USP6: variants seen among roughly 807,000 people sequenced by gnomAD.
USP6 encodes the protein ubiquitin specific peptidase 6, also known as ubiquitin carboxyl-terminal hydrolase 6.
In USP6, 128 loss-of-function variants were observed where a neutral mutation model predicts 175.7. The ratio of observed to expected loss-of-function variants is 0.73; its 90% confidence interval spans 0.63 to 0.84. The LOEUF is 0.84. Ranked by LOEUF, USP6 falls within the 40% of genes least tolerant of loss-of-function variation. USP6 has a pLI of 0.00. For missense variants in USP6, 1,498 were observed against 1,760.3 expected, an observed-to-expected ratio of 0.85 and a Z score of 2.67; for synonymous variants, 562 against 630.6, an observed-to-expected ratio of 0.89 and a Z score of 1.63.
rs780529759 is a variant in USP6, at chr17:5,142,077, G to A, written c.1648G>A (p.Val550Ile). ...CTTCATGAACTCAAGCATCCAGTGCGTTAGTAACACACAGCCACTGACACA... is the reference window on the plus strand; with the variant it reads ...CTTCATGAACTCAAGCATCCAGTGCATTAGTAACACACAGCCACTGACACA... ...TCFMNSSIQC[V>I]SNTQPLTQYF... is the part of the protein sequence containing the mutation. The change falls in exon 24 of 38, where the codon GTT (valine) becomes ATT (isoleucine). Residue 550 changes from valine (V) to isoleucine (I), a missense_variant. This residue lies in a region of USP6 where 1,217 missense variants were observed against 1,500.8 expected (regional missense o/e 0.81). Transcript: ENST00000574788. 1.4e-5 allele frequency: 22 copies of A among 1,613,754 alleles called. No individual in the cohort carries two copies. The highest frequency in any genetic ancestry group is 6.6e-5 in the South Asian group (6 of 91,066).
chr17:5,141,358 CAG>C (rs2073440514), intron 22 of USP6, 65 bp from the exon 23 acceptor site: 3 of 1,320,546 alleles, frequency 2.3e-6, no homozygotes, highest in Admixed American at 2.5e-5. Flanking sequence ...AAAAAAAAAA[CAG>C]AAGCAATCAA....
chr17:5,166,892 T>C (rs1486536379), intron 33 of USP6, among the ~76,000 whole-genome samples: 1 of 152,038 alleles, frequency 6.6e-6, no homozygotes, highest in Non-Finnish European at 1.5e-5. Flanking sequence ...TTTCTTACAC[T>C]TGACTCCTTC....
At chr17:5,142,248 T>G in intron 24 of USP6, 107 bp downstream of exon 24, 1 of 1,537,762 alleles carries the variant, frequency 6.5e-7, no homozygotes, top group East Asian at 2.3e-5. Context: ...TTTTATCTTA[T>G]TTGCCCTATT....
At position 5,170,999 on chromosome 17, in the gene USP6, A is replaced by T. The variant is rs1598109119; in HGVS notation, c.3954+84A>T. ...ATGTATTCATCAGCAAGTATTTTTC[A>T]GGTCCTGCTAATTTCCTAGCATTGA... On this transcript the variant is annotated intron_variant, in intron 36 of 37. Transcript: ENST00000574788. 4.7e-6 allele frequency: 7 copies of T among 1,490,030 alleles called. No homozygotes were observed. In the East Asian group the frequency reaches 1.6e-4, roughly 34 times the overall value. The allele number at this position is 1,490,030 out of a possible 1,614,324, so 92.3% of individuals were successfully genotyped here.
Position 5,142,017 on chromosome 17 carries a change from G to GTTTCT in USP6, c.1588_1589insTTTCT (p.Gly530ValfsTer7). On this transcript the variant is annotated frameshift_variant, in exon 24 of 38. Transcript: ENST00000574788. LOFTEE classifies it high-confidence loss of function. ...GTTTGTTCCAGTTCCCACAGAAAAG[G>GTTTCT]GAGCCACAGGTCTAAGCAACCTGGG... The GTTTCT allele has an allele frequency of 1.2e-6, 2 of 1,612,694 alleles. No individual in the cohort carries two copies. The highest frequency in any genetic ancestry group is 2.2e-5 in the South Asian group (2 of 90,664).
Position 5,136,661 on chromosome 17 carries a change from G to T in USP6, c.686G>T (p.Gly229Val), listed in dbSNP as rs1206072687. The T allele has an allele frequency of 6.2e-7, 1 of 1,611,804 alleles. No homozygotes were observed. The highest frequency in any genetic ancestry group is 1.3e-5 in the African/African-American group (1 of 74,836). ...SLPGFHSPNG[G>V]TVQGLQDQQE... The stretch of plus-strand genomic sequence containing the variant: ...TCAGGATTCCACAGCCCAAATGGTG[G>T]GACAGTCCAGGGGCTCCAAGACCAA... Residue 229 changes from glycine to valine, a missense_variant, in exon 18 of 38, where the codon GGG becomes GTG. This residue lies in a region of USP6 where 1,217 missense variants were observed against 1,500.8 expected (regional missense o/e 0.81). Transcript: ENST00000574788.
At chr17:5,143,169 G>A (rs1403044579) in intron 25 of USP6, among the ~76,000 whole-genome samples, 3 of 152,298 alleles carry the variant, frequency 2.0e-5, no homozygotes, top group South Asian at 2.1e-4. Flanking sequence ...CGCCCCGTCC[G>A]GGAGGTGAGG....
chr17:5,157,831 A>C (rs971855805), intron 31 of USP6, among the ~76,000 whole-genome samples: 1 of 152,100 alleles, frequency 6.6e-6, no homozygotes, highest in African/African-American at 2.4e-5. Flanking sequence ...GGGTTTCACC[A>C]TGTTGGCCAG....
intron 25 of USP6, 80 bp downstream of exon 25, chr17:5,142,582 T>G (rs2073479813): frequency 1.3e-6 from 2 of 1,485,504 alleles, no homozygotes; most frequent in Admixed American, 4.7e-5. Flanking sequence ...TTTTTTGTGT[T>G]TAGCCTTTTA....
intron 26 of USP6, 112 bp downstream of exon 26, chr17:5,144,975 G>T: frequency 2.1e-6 from 3 of 1,399,272 alleles, no homozygotes; most frequent in Admixed American, 2.7e-5. Context: ...GAATTTTACT[G>T]CAAAAATTAA....
intron 30 of USP6, 73 bp downstream of exon 30, chr17:5,148,840 G>A: frequency 1.3e-6 from 2 of 1,564,970 alleles, no homozygotes; most frequent in Admixed American, 3.8e-5. Context: ...TTCTGTCTTT[G>A]CAACATCATT....
At chr17:5,128,662 AAC>A (rs1487678339) in intron 7 of USP6, 2 of 152,570 alleles carry the variant, frequency 1.3e-5, no homozygotes, top group African/African-American at 4.8e-5. Flanking sequence ...CATGTGCACA[AAC>A]ACATTGCAGG....
rs141013835 is a variant in USP6 at position 5,145,554 on chromosome 17, C to T, written c.2142C>T (p.Asp714=). Residue 714 remains aspartate, a synonymous_variant, in exon 27 of 38, where the codon GAC becomes GAT. Coordinates refer to ENST00000574788, the MANE Select transcript of USP6 (RefSeq NM_001304284.2). ...TTTTGTCTTTGCCACTACCAATGGA[C>T]AGTTACATGGACTTAGAAATAACAG... is the stretch of plus-strand genomic sequence containing the variant. The part of the protein sequence containing the change: ...FNFLSLPLPM[D]SYMDLEITVI... 3 of 1,609,230 alleles carry T rather than the reference C, an allele frequency of 1.9e-6. No homozygotes were observed. The highest frequency in any genetic ancestry group is 2.5e-6 in the Non-Finnish European group (3 of 1,178,160).
chr17:5,155,913 T>C (rs1483333784), intron 31 of USP6, among the ~76,000 whole-genome samples: 1 of 152,192 alleles, frequency 6.6e-6, no homozygotes, highest in Non-Finnish European at 1.5e-5. Flanking sequence ...CCTGGATTCG[T>C]CCTGCTAATG....
intron 15 of USP6, 41 bp downstream of exon 15, chr17:5,134,037 T>C: frequency 3.8e-6 from 6 of 1,589,424 alleles, no homozygotes; most frequent in Non-Finnish European, 4.3e-6. Flanking sequence ...AGAGATGGGG[T>C]GAACGAGAGG....
Position 5,135,382 on chromosome 17 carries a change from G to T in USP6, c.543+100G>T. 9 of 1,445,926 alleles carry T rather than the reference G, an allele frequency of 6.2e-6. No individual in the cohort carries two copies. The South Asian group carries it at 9.1e-5, about 15-fold the overall frequency. 89.6% of individuals were successfully genotyped at this position (1,445,926 alleles called of 1,614,324 possible). A position where few individuals can be genotyped will look rare whatever the true frequency, so the allele number is the denominator to read the frequency against. ...GTTGCTTCTTTTAAAGTTGGTATTT[G>T]TGACTCACCAGGATATAGGAGGTAG... is the stretch of plus-strand genomic sequence containing the variant. On this transcript the variant is annotated intron_variant, in intron 16 of 37. Coordinates refer to ENST00000574788, the MANE Select transcript of USP6 (RefSeq NM_001304284.2).
At chr17:5,140,571 T>C (rs1034729680) in intron 22 of USP6, among the ~76,000 whole-genome samples, 3 of 152,136 alleles carry the variant, frequency 2.0e-5, no homozygotes, top group African/African-American at 7.2e-5. Flanking sequence ...AGACAATATC[T>C]CTTAAAAAAA....
In USP6 at chr17:5,172,915, A is replaced by G. The variant is rs762934111; in HGVS notation, c.4158A>G (p.Ala1386=). 1 of 1,613,894 alleles carries G rather than the reference A, an allele frequency of 6.2e-7. No homozygotes were observed. ...FLPKIDGKKM[A]DTSSTDEDSE... is the part of the protein sequence containing the mutation. ...CAAAGATTGATGGCAAAAAGATGGC[A>G]GACACAAGCAGTACGGATGAAGACT... is the stretch of plus-strand genomic sequence containing the variant. Residue 1386 remains alanine, a synonymous_variant, in exon 38 of 38, where the codon GCA becomes GCG. Transcript: ENST00000574788.
In USP6 at chr17:5,161,530, A is replaced by G; in HGVS notation, c.2831A>G (p.Asp944Gly). 6.2e-7 allele frequency: 1 copy of G among 1,613,742 alleles called. No individual in the cohort carries two copies. The highest frequency in any genetic ancestry group is 1.1e-5 in the South Asian group (1 of 91,048). The change falls in exon 32 of 38, where the codon GAT becomes GGT. Residue 944 changes from aspartate (D) to glycine (G), a missense_variant and splice_region_variant. Physicochemically the swap from Asp to Gly is moderately conservative, Grantham distance 94. Coordinates refer to ENST00000574788, the MANE Select transcript of USP6 (RefSeq NM_001304284.2). Reference protein sequence around the residue: ...QEASIHAQDRDNCMGYQYPFT... With the variant: ...QEASIHAQDRGNCMGYQYPFT... ...CTTTTTGTTCTCTTCTGTTTCAGTG[A>G]TAACTGTATGGGCTATCAATATCCA... is the stretch of plus-strand genomic sequence containing the variant.
Sources: allele counts gnomAD v4.1 joint callset (sites outside exome capture counted in the v4.1 genomes callset), GRCh38; gene constraint gnomAD v4.1.1; regional missense constraint gnomAD v4.1.1; transcripts MANE v1.5; gene names NCBI Gene and HGNC (gene_info 2026-07-23, HGNC 2026-07-21).